TUBGCP3: variants seen among roughly 807,000 people sequenced by gnomAD.
The protein encoded by TUBGCP3 is gamma-tubulin complex component 3.
TUBGCP3 carries 50 observed loss-of-function variants against 123.1 expected under a neutral mutation model. The ratio of observed to expected loss-of-function variants is 0.41; its 90% CI spans 0.32 to 0.51. The LOEUF is 0.51. Ranked by LOEUF, TUBGCP3 falls within the 20% of genes least tolerant of loss-of-function variation. The pLI is 0.36. For synonymous variants in TUBGCP3, 405 were observed against 413.9 expected, an observed-to-expected ratio of 0.98 and a Z score of 0.26; for missense variants, 882 against 1,127.0, an observed-to-expected ratio of 0.78 and a Z score of 3.11.
intron 1 of TUBGCP3, among the ~76,000 whole-genome samples, chr13:112,586,582 T>A (rs1469284940): frequency 6.6e-6 from 1 of 152,204 alleles, no homozygotes; most frequent in African/African-American, 2.4e-5. Context: ...CAAATGGCCC[T>A]CCCTTACTCC....
At position 112,547,741 on chromosome 13, in the gene TUBGCP3, C is replaced by T; in HGVS notation, c.1047G>A (p.Glu349=). The T allele has an allele frequency of 6.7e-7, 1 of 1,493,112 alleles. No individual in the cohort carries two copies. Among genetic ancestry groups the T allele is most frequent in the Non-Finnish European group, 8.9e-7 (1 of 1,117,782 alleles). The allele number at this position is 1,493,112 out of a possible 1,614,324, so 92.5% of individuals were successfully genotyped here. A position where few individuals can be genotyped will look rare whatever the true frequency, so the allele number is the denominator to read the frequency against. Residue 349 remains glutamate (E), a synonymous_variant, in exon 10 of 22, where the codon GAG becomes GAA. Coordinates refer to ENST00000261965, the MANE Select transcript of TUBGCP3 (RefSeq NM_006322.6). ...GTCCCAAATTCACACCCTGGTCATC[C>T]TCTAGTTGTAGCTAAAAAACAATAA... ...LSVLHSQLQL[E]DDQGVNLGLE...
At chr13:112,530,520 C>T (rs1877488006) in intron 11 of TUBGCP3, among the ~76,000 whole-genome samples, 1 of 152,246 alleles carries the variant, frequency 6.6e-6, no homozygotes, top group Non-Finnish European at 1.5e-5. Flanking sequence ...CACACAGAAA[C>T]TTAGCATCCT....
chr13:112,532,223 A>C (rs966286799), intron 11 of TUBGCP3, among the ~76,000 whole-genome samples: 2 of 152,226 alleles, frequency 1.3e-5, no homozygotes, highest in African/African-American at 4.8e-5. Context: ...TTACAGGGTA[A>C]ACTTATAATT....
In TUBGCP3 at chr13:112,516,540, T is replaced by A; in HGVS notation, c.1986A>T (p.Arg662Ser). ...TCGCCCTCCAGAGGAAGTTAAATAC[T>A]CTTAGGTAGTGGCTCATACATTCTC... ...FTRECMSHYL[R>S]VFNFLWRAKR... Residue 662 changes from arginine to serine, a missense_variant, in exon 17 of 22, where the codon AGA (arginine) becomes AGT (serine). Around this residue, in one of 3 missense-constraint regions of TUBGCP3, gnomAD observed 713 missense variants for 874.0 expected, o/e 0.82. Coordinates refer to ENST00000261965, the MANE Select transcript of TUBGCP3 (RefSeq NM_006322.6). 6.2e-7 allele frequency: 1 copy of A among 1,614,164 alleles called. No individual in the cohort carries two copies.
chr13:112,548,080 G>T (rs1566568177), intron 9 of TUBGCP3, 28 bp downstream of exon 9: 3 of 1,499,630 alleles, frequency 2.0e-6, no homozygotes, highest in South Asian at 1.3e-5. Flanking sequence ...AAATCATAAA[G>T]AAATAAAAAT....
At chr13:112,487,519 C>CT (rs1333862770) in intron 21 of TUBGCP3, among the ~76,000 whole-genome samples, 1 of 152,186 alleles carries the variant, frequency 6.6e-6, no homozygotes, top group Non-Finnish European at 1.5e-5. Flanking sequence ...ACAGACAAAT[C>CT]TTTAAAATTA....
chr13:112,490,028 G>T (rs1237841820), intron 20 of TUBGCP3, among the ~76,000 whole-genome samples: 2 of 152,028 alleles, frequency 1.3e-5, no homozygotes, highest in Non-Finnish European at 2.9e-5. Flanking sequence ...TGCTGTACAC[G>T]TTTTTATATA....
chr13:112,552,241 T>C (rs1445506749), intron 8 of TUBGCP3, among the ~76,000 whole-genome samples: 1 of 152,254 alleles, frequency 6.6e-6, no homozygotes, highest in Non-Finnish European at 1.5e-5. Context: ...AGTTATCCTG[T>C]ATTGATTTTG....
At chr13:112,599,718 G>A in the TUBGCP3 span, among the ~76,000 whole-genome samples, 3 of 151,448 alleles carry the variant, frequency 2.0e-5, no homozygotes, top group Non-Finnish European at 4.4e-5. Context: ...ACGGGGATTC[G>A]CTGTGTTGGC....
chr13:112,600,503 CCTAT>C, the TUBGCP3 span, among the ~76,000 whole-genome samples: 1 of 152,250 alleles, frequency 6.6e-6, no homozygotes, highest in South Asian at 2.1e-4. Flanking sequence ...TTGAAAAACT[CCTAT>C]CTTTCAGGAA....
At chr13:112,588,593 C>A (rs887008639), upstream of TUBGCP3, among the ~76,000 whole-genome samples, 4 of 152,238 alleles carry the variant, frequency 2.6e-5, 1 homozygote, top group South Asian at 4.1e-4. Context: ...CTCGCACTGC[C>A]GCGCGGGCCG....
At chr13:112,486,686 C>T (rs1879694836) in intron 21 of TUBGCP3, among the ~76,000 whole-genome samples, 1 of 152,184 alleles carries the variant, frequency 6.6e-6, no homozygotes, top group Non-Finnish European at 1.5e-5. Flanking sequence ...TTACTGAGGG[C>T]GTTTTTAAAG....
chr13:112,590,317 G>A (rs1882861449), upstream of TUBGCP3, among the ~76,000 whole-genome samples: 1 of 152,132 alleles, frequency 6.6e-6, no homozygotes, highest in South Asian at 2.1e-4. Flanking sequence ...TGACTCACTG[G>A]AGCCCTGATA....
intron 21 of TUBGCP3, among the ~76,000 whole-genome samples, chr13:112,488,453 A>G (rs1330282574): frequency 6.6e-6 from 1 of 152,220 alleles, no homozygotes; most frequent in Non-Finnish European, 1.5e-5. Flanking sequence ...TCCGGGGTCT[A>G]CACCATGTCT....
At chr13:112,494,398 A>G (rs1880380872) in intron 20 of TUBGCP3, among the ~76,000 whole-genome samples, 1 of 152,238 alleles carries the variant, frequency 6.6e-6, no homozygotes, top group South Asian at 2.1e-4. Context: ...TTAAAATTTT[A>G]ACATTAAACA....
In TUBGCP3 at chr13:112,508,514, C is replaced by T. The variant is rs567908090; in HGVS notation, c.2087-3800G>A. 9.9e-5 allele frequency among the ~76,000 whole-genome samples: 15 copies of T among 152,264 alleles called. No homozygotes were observed. Among genetic ancestry groups the T allele is most frequent in the East Asian group, 5.8e-4 (3 of 5,160 alleles). ...CCCAACCCCATCTTCCTCCTAGCCA[C>T]GGCACCCTGTGAGACTGCAGTTCCC... On this transcript the variant is annotated intron_variant, in intron 17 of 21. Transcript: ENST00000261965. The surrounding 1 kb of genome is among the most constrained non-coding windows in gnomAD (Gnocchi z 4.2).
At chr13:112,578,994 T>A (rs1882076435) in intron 1 of TUBGCP3, among the ~76,000 whole-genome samples, 1 of 152,248 alleles carries the variant, frequency 6.6e-6, no homozygotes, top group Non-Finnish European at 1.5e-5. Flanking sequence ...ATGACCCATT[T>A]TTTTAGAAAT....
At chr13:112,602,727 G>A in the TUBGCP3 span, 2 of 152,160 alleles carry the variant, frequency 1.3e-5, no homozygotes, top group African/African-American at 4.8e-5. Flanking sequence ...TCATTTTACC[G>A]AACGTTAGCT....
intron 11 of TUBGCP3, among the ~76,000 whole-genome samples, chr13:112,533,435 C>G (rs1877759014): frequency 6.6e-6 from 1 of 152,150 alleles, no homozygotes; most frequent in South Asian, 2.1e-4. Flanking sequence ...CCAACTTGGG[C>G]CTCCCTTAAC....
Sources: gnomAD v4.1 joint callset for allele counts (sites outside exome capture counted in the v4.1 genomes callset) on GRCh38, gnomAD v4.1.1 for gene constraint, gnomAD v4.1.1 regional missense constraint, Gnocchi (gnomAD v3.1) non-coding constraint, MANE v1.5 for transcripts, NCBI Gene and HGNC (gene_info 2026-07-23, HGNC 2026-07-21) for gene names.